CCDC158: variants seen among roughly 807,000 people sequenced by gnomAD.
The protein encoded by CCDC158 is coiled-coil domain-containing protein 158.
In CCDC158, 116 loss-of-function variants were observed where a neutral mutation model predicts 138.6. That is an observed-to-expected ratio of 0.84 (90% CI 0.72 to 0.98). CCDC158 has a LOEUF of 0.98. Among genes scored for constraint, CCDC158 ranks in the 50% least tolerant of loss-of-function variants. The pLI is 0.00. For synonymous variants in CCDC158, 436 were observed against 442.4 expected, an observed-to-expected ratio of 0.99 and a Z score of 0.18; for missense variants, 1,265 against 1,306.1, an observed-to-expected ratio of 0.97 and a Z score of 0.48.
Position 76,367,698 on chromosome 4 carries a change from T to C in CCDC158, c.1426A>G (p.Met476Val), listed in dbSNP as rs1724823890. 1 of 1,614,168 alleles carries C rather than the reference T, an allele frequency of 6.2e-7. No individual in the cohort carries two copies. Among genetic ancestry groups the C allele is most frequent in the East Asian group, 2.2e-5 (1 of 44,884 alleles). ...AACTCTTCTACTACTTTGCGCAGCA[T>C]CTCTTTGGTGGATTCAAGCTGAGCA... ...LTAQLESTKE[M>V]LRKVVEELTA... The change falls in exon 12 of 25, where the codon ATG becomes GTG. Residue 476 changes from methionine to valine, a missense_variant. By Grantham distance (21) the Met-to-Val change is conservative. Transcript: ENST00000682701.
At chr4:76,400,311 A>G (rs1711855876) in intron 3 of CCDC158, among the ~76,000 whole-genome samples, 1 of 150,068 alleles carries the variant, frequency 6.7e-6, no homozygotes, top group Non-Finnish European at 1.5e-5. Context: ...AGGACAGAAA[A>G]CCAAACACCG....
intron 13 of CCDC158, among the ~76,000 whole-genome samples, chr4:76,358,192 C>G (rs1469560702): frequency 6.6e-6 from 1 of 152,160 alleles, no homozygotes; most frequent in Non-Finnish European, 1.5e-5. Flanking sequence ...GGTTCCCTCT[C>G]CCAGTTGCTT....
In CCDC158 at chr4:76,367,404, T is replaced by A. The variant is rs1456111453; in HGVS notation, c.1720A>T (p.Met574Leu). The change falls in exon 12 of 25, where the codon ATG (methionine) becomes TTG (leucine). Residue 574 changes from methionine to leucine, a missense_variant. Met to Leu is a conservative substitution (Grantham distance 15). Coordinates refer to ENST00000682701, the MANE Select transcript of CCDC158 (RefSeq NM_001394954.1). ...IEILRQQIEN[M>L]TQLVGQHGRT... ...CCATGCTGGCCCACCAGCTGTGTCA[T>A]GTTCTCAATCTGCTGTCGCAGAATC... is the stretch of plus-strand genomic sequence containing the variant. 6.2e-7 allele frequency: 1 copy of A among 1,614,274 alleles called. No individual in the cohort carries two copies. Among genetic ancestry groups the A allele is most frequent in the Non-Finnish European group, 8.5e-7 (1 of 1,180,048 alleles).
At chr4:76,357,634 GAA>G in intron 13 of CCDC158, 108 bp from the exon 14 acceptor site, 1 of 704,076 alleles carries the variant, frequency 1.4e-6, no homozygotes, top group Non-Finnish European at 2.1e-6. Context: ...AACTGGAAGA[GAA>G]GTCATTTAAT....
chr4:76,348,147 G>T (rs965027435), intron 18 of CCDC158, among the ~76,000 whole-genome samples: 2 of 151,796 alleles, frequency 1.3e-5, no homozygotes, highest in Middle Eastern at 6.8e-3. Flanking sequence ...CACTAATGCC[G>T]GGCGCGGTGG....
In CCDC158 at chr4:76,355,451, G is replaced by A; in HGVS notation, c.2174-15C>T. On this transcript the variant is annotated splice_polypyrimidine_tract_variant and intron_variant, in intron 14 of 24. Coordinates refer to ENST00000682701, the MANE Select transcript of CCDC158 (RefSeq NM_001394954.1). ...CACTTTCATAGCTGGAAAAAAAAAA[G>A]AGGCAAACTATGCCTTAGGTTCTTA... 1.3e-6 allele frequency: 2 copies of A among 1,505,908 alleles called. No homozygotes were observed. The highest frequency in any genetic ancestry group is 1.1e-5 in the South Asian group (1 of 88,840). 93.3% of individuals were successfully genotyped at this position (1,505,908 alleles called of 1,614,324 possible). A position where few individuals can be genotyped will look rare whatever the true frequency, so the allele number is the denominator to read the frequency against.
intron 19 of CCDC158, among the ~76,000 whole-genome samples, 161 bp from the exon 20 acceptor site, chr4:76,332,652 C>T (rs1467992232): frequency 2.6e-5 from 4 of 152,270 alleles, no homozygotes; most frequent in Middle Eastern, 3.4e-3. Flanking sequence ...TGGAGTTCAT[C>T]GACAGAGAAA....
At chr4:76,336,097 G>A (rs2110115715) in intron 18 of CCDC158, among the ~76,000 whole-genome samples, 1 of 138,348 alleles carries the variant, frequency 7.2e-6, no homozygotes, top group East Asian at 2.3e-4. Context: ...CAGGAGAATG[G>A]CATGAGCCCA....
chr4:76,349,953 A>G (rs1283928330), intron 18 of CCDC158, among the ~76,000 whole-genome samples: 1 of 152,228 alleles, frequency 6.6e-6, no homozygotes. Context: ...AGGTCACACA[A>G]AGAGTTAAAA....
At chr4:76,390,950 T>C (rs893258338) in intron 4 of CCDC158, among the ~76,000 whole-genome samples, 1 of 152,004 alleles carries the variant, frequency 6.6e-6, no homozygotes, top group African/African-American at 2.4e-5. Context: ...AAAATACCTA[T>C]GGAGCCATGA....
chr4:76,332,355 C>G, intron 20 of CCDC158, 77 bp downstream of exon 20: 1 of 1,247,676 alleles, frequency 8.0e-7, no homozygotes, highest in Non-Finnish European at 1.2e-6. Flanking sequence ...TATGTCCAAA[C>G]AGACTTCTCA....
chr4:76,376,576 A>G (rs1359588206), intron 9 of CCDC158, among the ~76,000 whole-genome samples: 1 of 152,264 alleles, frequency 6.6e-6, no homozygotes, highest in African/African-American at 2.4e-5. Flanking sequence ...TCAATTCATT[A>G]TAACAAAAAC....
chr4:76,369,397 G>T (rs763089592), intron 11 of CCDC158, 29 bp downstream of exon 11: 3 of 1,603,334 alleles, frequency 1.9e-6, no homozygotes, highest in Non-Finnish European at 2.6e-6. Context: ...AGATTGTTTG[G>T]CGATGGCACA....
chr4:76,351,298 C>T lies in CCDC158; in HGVS notation c.2539-177G>A, dbSNP rs553028317. Among the ~76,000 whole-genome samples the T allele has an allele frequency of 1.7e-3, 225 of 131,066 alleles. 3 individuals carry two copies. The highest frequency in any genetic ancestry group is 1.5e-3 in the South Asian group (7 of 4,612). The allele number at this position is 131,066 out of a possible 152,430, so 86.0% of individuals were successfully genotyped here. A position where few individuals can be genotyped will look rare whatever the true frequency, so the allele number is the denominator to read the frequency against. On this transcript the variant is annotated intron_variant, in intron 17 of 24. Coordinates refer to ENST00000682701, the MANE Select transcript of CCDC158 (RefSeq NM_001394954.1). ...GACATATATTTCAGTGTAAAATGTACGATTTAAAAAAAAAACGTTTTGTCA... is the reference window on the plus strand; with the variant it reads ...GACATATATTTCAGTGTAAAATGTATGATTTAAAAAAAAAACGTTTTGTCA...
chr4:76,418,003 TCCTGA>T (rs1265330204), intron 1 of CCDC158, among the ~76,000 whole-genome samples: 4 of 152,172 alleles, frequency 2.6e-5, no homozygotes, highest in African/African-American at 7.2e-5. Flanking sequence ...TCCTACACTA[TCCTGA>T]GAAGATGTCA....
At position 76,384,393 on chromosome 4, in the gene CCDC158, C is replaced by T; in HGVS notation, c.421G>A (p.Glu141Lys). ...TTTTGAAGCTGATTTCTTAAATCCT[C>T]CTGGGACTGACTCTCCCTTCGTCTA... Reference protein sequence around the residue: ...DIRRRESQSQEDLRNQLQNTV... With the variant: ...DIRRRESQSQKDLRNQLQNTV... The change falls in exon 6 of 25, where the codon GAG becomes AAG. Residue 141 changes from glutamate (E) to lysine (K), a missense_variant. Transcript: ENST00000682701. 1 of 1,612,730 alleles carries T rather than the reference C, an allele frequency of 6.2e-7. No individual in the cohort carries two copies. The highest frequency in any genetic ancestry group is 8.5e-7 in the Non-Finnish European group (1 of 1,178,988).
intron 24 of CCDC158, among the ~76,000 whole-genome samples, chr4:76,319,372 G>A (rs1221258285): frequency 7.0e-6 from 1 of 142,822 alleles, no homozygotes; most frequent in Non-Finnish European, 1.5e-5. Flanking sequence ...GGTGGAGGTT[G>A]CAGTGAGCTG....
At chr4:76,334,368 G>A (rs913435232) in intron 18 of CCDC158, among the ~76,000 whole-genome samples, 17 of 152,256 alleles carry the variant, frequency 1.1e-4, no homozygotes, top group African/African-American at 2.6e-4. Flanking sequence ...TAATTTATAT[G>A]TGCATGGACA....
chr4:76,389,070 A>G (rs144832743), intron 4 of CCDC158, among the ~76,000 whole-genome samples: 1 of 152,258 alleles, frequency 6.6e-6, no homozygotes, highest in East Asian at 1.9e-4. Context: ...ATCTACAAGC[A>G]TCAACACCAT....
Sources: allele counts gnomAD v4.1 joint callset (sites outside exome capture counted in the v4.1 genomes callset), GRCh38; gene constraint gnomAD v4.1.1; transcripts MANE v1.5; gene names NCBI Gene and HGNC (gene_info 2026-07-23, HGNC 2026-07-21).